Variants in CYREN observed in about 807,000 individuals in gnomAD.
CYREN encodes cell cycle regulator of non-homologous end joining.
Under a neutral mutation model 9.7 loss-of-function variants are expected in CYREN, and 7 were observed. The ratio of observed to expected loss-of-function variants is 0.72; its 90% CI spans 0.41 to 1.36. CYREN has a LOEUF of 1.36. CYREN is among the 40% of genes most tolerant of loss of function. The probability of loss-of-function intolerance (pLI) is 0.01; values close to 1 mark genes in which losing one functional copy is unlikely to be tolerated. For synonymous variants in CYREN, 76 were observed against 77.9 expected (o/e 0.98, Z 0.13); for missense variants, 215 against 198.1 (o/e 1.09, Z -0.51).
At chr7:135,140,194 G>A (rs943706127) in intron 2 of CYREN, among the ~76,000 whole-genome samples, 2 of 152,036 alleles carry the variant, frequency 1.3e-5, no homozygotes, top group Admixed American at 6.6e-5. Context: ...CTATCCATGA[G>A]CATGGAATGT....
chr7:135,164,369 AG>A (rs2117474878), downstream of CYREN: 1 of 1,430,290 alleles, frequency 7.0e-7, no homozygotes, highest in African/African-American at 1.4e-5. Flanking sequence ...GTCTGGACAC[AG>A]GGAACAAGCA....
rs550246048 is a variant in CYREN, at chr7:135,107,474, C to T, written n.357-12892G>A. Among the ~76,000 whole-genome samples, 4 of 152,264 alleles carry T rather than the reference C, an allele frequency of 2.6e-5. No homozygotes were observed. In the East Asian group the frequency reaches 5.8e-4, roughly 22 times the overall value. On this transcript the variant is annotated intron_variant and non_coding_transcript_variant, in intron 2 of 2. Coordinates refer to the CYREN transcript ENST00000459937. ...TTCTGCCTTAACTTCATTATTTACC[C>T]GAAAGTCATTCAGGAGCATGTTGTT...
chr7:135,159,553 A>T (rs1307936933), intron 2 of CYREN, among the ~76,000 whole-genome samples: 1 of 152,200 alleles, frequency 6.6e-6, no homozygotes, highest in Non-Finnish European at 1.5e-5. Context: ...GTAACTCTTG[A>T]GTGACAGTGG....
At chr7:135,138,689 T>C (rs1829398964) in intron 2 of CYREN, among the ~76,000 whole-genome samples, 1 of 152,032 alleles carries the variant, frequency 6.6e-6, no homozygotes, top group African/African-American at 2.4e-5. Flanking sequence ...TATTTCATCA[T>C]TCATGTAATA....
Position 135,151,703 on chromosome 7 carries a change from G to A in CYREN, n.356+17046C>T, listed in dbSNP as rs1449415616. Among the ~76,000 whole-genome samples the A allele has an allele frequency of 1.3e-5, 2 of 152,202 alleles. No homozygotes were observed. The highest frequency in any genetic ancestry group is 4.8e-5 in the African/African-American group (2 of 41,440). ...GTGAACTTCCTTCAGTCTCACAACA[G>A]CCCATGAGGAACGTGACAACTGATG... On this transcript the variant is annotated intron_variant and non_coding_transcript_variant, in intron 2 of 2. Coordinates refer to the CYREN transcript ENST00000459937. The surrounding 1 kb of genome is among the most constrained non-coding windows in gnomAD (Gnocchi z 4.3).
At chr7:135,156,156 C>T (rs556733210) in intron 2 of CYREN, among the ~76,000 whole-genome samples, 3 of 152,114 alleles carry the variant, frequency 2.0e-5, no homozygotes, top group Admixed American at 1.3e-4. Context: ...GGTGACTAGT[C>T]ACTTTTGCTA....
intron 2 of CYREN, among the ~76,000 whole-genome samples, chr7:135,125,054 G>A (rs932752405): frequency 6.6e-6 from 1 of 152,074 alleles, no homozygotes; most frequent in Non-Finnish European, 1.5e-5. Context: ...TAAGATTAGA[G>A]CAGAATTGAA....
At chr7:135,142,465 A>G (rs762684572) in intron 2 of CYREN, among the ~76,000 whole-genome samples, 85 of 152,294 alleles carry the variant, frequency 5.6e-4, no homozygotes, top group Non-Finnish European at 7.8e-4. Flanking sequence ...TGCAAAAGTT[A>G]TACATCAGTT....
intron 2 of CYREN, among the ~76,000 whole-genome samples, chr7:135,103,612 G>A (rs1401222493): frequency 1.3e-5 from 2 of 152,034 alleles, no homozygotes; most frequent in African/African-American, 4.8e-5. Context: ...TTTTCTTATG[G>A]TAGTCAGTTT....
At chr7:135,093,650 C>T (rs1385269597) in exon 3 of CYREN, 3 of 152,088 alleles carry the variant, frequency 2.0e-5, no homozygotes, top group African/African-American at 7.2e-5. Flanking sequence ...GGTCATGGAT[C>T]AGAAGATTTA....
chr7:135,143,080 C>G (rs1829482436), intron 2 of CYREN, among the ~76,000 whole-genome samples: 1 of 152,164 alleles, frequency 6.6e-6, no homozygotes, highest in South Asian at 2.1e-4. Flanking sequence ...AGTGCGGTGG[C>G]TCATGCCTGT....
chr7:135,156,458 T>C (rs1255745960), intron 2 of CYREN, among the ~76,000 whole-genome samples: 2 of 152,024 alleles, frequency 1.3e-5, no homozygotes, highest in African/African-American at 4.8e-5. Flanking sequence ...TGTCTTCGAG[T>C]TCTGAGATTC....
downstream of CYREN, among the ~76,000 whole-genome samples, chr7:135,163,312 A>C (rs1475836129): frequency 6.6e-6 from 1 of 152,228 alleles, no homozygotes; most frequent in Non-Finnish European, 1.5e-5. Flanking sequence ...TATGTGTATG[A>C]TGGGATAAAA....
chr7:135,124,767 T>C (rs1827624959), intron 2 of CYREN, among the ~76,000 whole-genome samples: 1 of 152,192 alleles, frequency 6.6e-6, no homozygotes, highest in African/African-American at 2.4e-5. Context: ...CACGATTACA[T>C]GGAAATTGAA....
intron 2 of CYREN, chr7:135,101,311 T>C (rs1823798259): frequency 2.2e-6 from 1 of 454,342 alleles, no homozygotes; most frequent in Non-Finnish European, 4.4e-6. Context: ...AAGATTTTCA[T>C]GCATACAAAG....
intron 2 of CYREN, among the ~76,000 whole-genome samples, chr7:135,130,326 T>C (rs919883892): frequency 2.0e-5 from 3 of 152,304 alleles, no homozygotes; most frequent in African/African-American, 7.2e-5. Flanking sequence ...CCACAAACGC[T>C]ATGGGGCACT....
chr7:135,135,257 G>C (rs927855378), intron 2 of CYREN: 1 of 1,514,316 alleles, frequency 6.6e-7, no homozygotes, highest in South Asian at 1.3e-5. Flanking sequence ...CAAAGGGAGA[G>C]TTAATCTAGC....
intron 2 of CYREN, 169 bp from the exon 3 acceptor site, chr7:135,167,976 C>A: frequency 8.2e-7 from 1 of 1,212,758 alleles, no homozygotes; most frequent in Non-Finnish European, 1.1e-6. Flanking sequence ...CTCAGCCTTG[C>A]AGCCCAGTGA....
At chr7:135,117,979 TA>T (rs1008735059) in intron 2 of CYREN, among the ~76,000 whole-genome samples, 25 of 152,330 alleles carry the variant, frequency 1.6e-4, no homozygotes, top group African/African-American at 5.1e-4. Context: ...AAATTTGAGC[TA>T]AGGGAAGTAA....
Sources: gnomAD v4.1 joint callset for allele counts (sites outside exome capture counted in the v4.1 genomes callset) on GRCh38, gnomAD v4.1.1 for gene constraint, Gnocchi (gnomAD v3.1) non-coding constraint, MANE v1.5 for transcripts, NCBI Gene and HGNC (gene_info 2026-07-23, HGNC 2026-07-21) for gene names.